CFAP46: variants seen among roughly 807,000 people sequenced by gnomAD.
The protein encoded by CFAP46 is cilia- and flagella-associated protein 46.
CFAP46 carries 245 observed loss-of-function variants against 325.7 expected under a neutral mutation model. The ratio of observed to expected loss-of-function variants is 0.75; its 90% confidence interval spans 0.68 to 0.84. The LOEUF (loss-of-function observed/expected upper bound fraction) is 0.84, where lower values mean the gene tolerates loss of function less well. Ranked by LOEUF, CFAP46 falls within the 40% of genes least tolerant of loss-of-function variation. The probability of loss-of-function intolerance (pLI) is 0.00; values close to 1 mark genes in which losing one functional copy is unlikely to be tolerated. For missense variants in CFAP46, 3,346 were observed against 3,543.0 expected, an observed-to-expected ratio of 0.94 and a Z score of 1.41; for synonymous variants, 1,523 against 1,495.9, an observed-to-expected ratio of 1.02 and a Z score of -0.42.
rs562244714 is a variant in CFAP46 at position 132,935,218 on chromosome 10, C to G, written c.756-356G>C. Among the ~76,000 whole-genome samples, 403 of 152,168 alleles carry G rather than the reference C, an allele frequency of 2.6e-3. 1 individual carries two copies. Among genetic ancestry groups the G allele is most frequent in the African/African-American group, 8.9e-3 (371 of 41,484 alleles). On this transcript the variant is annotated intron_variant, in intron 7 of 57. Coordinates refer to ENST00000368586, the MANE Select transcript of CFAP46 (RefSeq NM_001200049.3). ...ATTGCTCTCTCCCAGGGATGCTGCC[C>G]ATAGGACACAAATACCTCAGATCTC...
At chr10:132,924,598 A>G in intron 11 of CFAP46, 98 bp downstream of exon 11, 1 of 1,193,628 alleles carries the variant, frequency 8.4e-7, no homozygotes, top group Non-Finnish European at 1.1e-6. Flanking sequence ...TGCTTGTGGC[A>G]CTGTCATGGC....
intron 27 of CFAP46, among the ~76,000 whole-genome samples, chr10:132,881,665 G>A (rs1416242384): frequency 7.2e-5 from 5 of 69,014 alleles, no homozygotes; most frequent in East Asian, 3.4e-4. Context: ...CGCACCCTCC[G>A]CAGCCCTGCG....
At chr10:132,882,696 G>T (rs995613079) in intron 27 of CFAP46, among the ~76,000 whole-genome samples, 9 of 151,990 alleles carry the variant, frequency 5.9e-5, no homozygotes, top group African/African-American at 2.2e-4. Flanking sequence ...CCAAGGTCCT[G>T]CCCTTAGCCC....
chr10:132,908,566 C>G lies in CFAP46; in HGVS notation c.2826G>C (p.Leu942=). 6.5e-7 allele frequency: 1 copy of G among 1,550,386 alleles called. No homozygotes were observed. The highest frequency in any genetic ancestry group is 8.7e-7 in the Non-Finnish European group (1 of 1,146,892). The change falls in exon 22 of 58, where the codon CTG becomes CTC. Residue 942 remains leucine, a synonymous_variant. Transcript: ENST00000368586. ...PLVELQTLTR[L]THFAHAARDH... Reference sequence around the variant, plus strand: ...CACGCGCTGCATGGGCGAAGTGGGTCAGCCGCGTCAGGGTCTGCAGCTCCA... The same window carrying G: ...CACGCGCTGCATGGGCGAAGTGGGTGAGCCGCGTCAGGGTCTGCAGCTCCA...
chr10:132,835,669 C>A (rs1848229039), intron 46 of CFAP46, among the ~76,000 whole-genome samples: 1 of 152,130 alleles, frequency 6.6e-6, no homozygotes, highest in Non-Finnish European at 1.5e-5. Flanking sequence ...CCCGTCTACA[C>A]CTGTTTCCAG....
chr10:132,879,296 A>T, intron 29 of CFAP46, 130 bp downstream of exon 29: 1 of 901,496 alleles, frequency 1.1e-6, no homozygotes, highest in Non-Finnish European at 1.6e-6. Flanking sequence ...GAAATTGCTC[A>T]CATCTCAAAG....
At chr10:132,820,421 A>G (rs1847770763) in intron 50 of CFAP46, among the ~76,000 whole-genome samples, 1 of 152,222 alleles carries the variant, frequency 6.6e-6, no homozygotes, top group African/African-American at 2.4e-5. Flanking sequence ...GCTGACCCGC[A>G]GGGCAAAGGG....
At chr10:132,856,016 C>A (rs1848636776) in intron 39 of CFAP46, among the ~76,000 whole-genome samples, 1 of 152,228 alleles carries the variant, frequency 6.6e-6, no homozygotes, top group African/African-American at 2.4e-5. Flanking sequence ...CAGGGCTCAG[C>A]CACTGAGGAC....
intron 7 of CFAP46, among the ~76,000 whole-genome samples, chr10:132,935,860 G>C (rs12762782): frequency 5.5e-3 from 153 of 27,992 alleles, no homozygotes; most frequent in Admixed American, 0.012. Flanking sequence ...TCTCCTCACA[G>C]CCCTCAGCAC....
intron 4 of CFAP46, among the ~76,000 whole-genome samples, chr10:132,940,352 G>C (rs533315610): frequency 2.0e-5 from 3 of 152,040 alleles, no homozygotes; most frequent in Non-Finnish European, 4.4e-5. Flanking sequence ...GATTTGAATA[G>C]GATATGAATC....
intron 41 of CFAP46, among the ~76,000 whole-genome samples, chr10:132,849,875 T>G (rs929288367): frequency 6.6e-6 from 1 of 152,176 alleles, no homozygotes; most frequent in East Asian, 1.9e-4. Context: ...CCCAGGTCCC[T>G]GTGCGGGGCC....
chr10:132,925,246 C>G (rs1849792919), intron 10 of CFAP46, among the ~76,000 whole-genome samples: 1 of 152,246 alleles, frequency 6.6e-6, no homozygotes, highest in Admixed American at 6.5e-5. Context: ...TACACGGGCC[C>G]TTCCCAGGAC....
At position 132,884,684 on chromosome 10, in the gene CFAP46, C is replaced by G. The variant is rs1178403187; in HGVS notation, c.3627+419G>C. Among the ~76,000 whole-genome samples, 1 of 152,118 alleles carries G rather than the reference C, an allele frequency of 6.6e-6. No homozygotes were observed. Among genetic ancestry groups the G allele is most frequent in the Non-Finnish European group, 1.5e-5 (1 of 67,994 alleles). On this transcript the variant is annotated intron_variant, in intron 27 of 57. Coordinates refer to ENST00000368586, the MANE Select transcript of CFAP46 (RefSeq NM_001200049.3). The surrounding 1 kb of genome is among the most constrained non-coding windows in gnomAD (Gnocchi z 5.4). ...AAGAGACGCCAACATCCCCAGAACG[C>G]CCACATCCCAGGGCCCTGCAGAGCC...
At chr10:132,880,077 T>A (rs1234196089) in intron 28 of CFAP46, among the ~76,000 whole-genome samples, 3 of 151,818 alleles carry the variant, frequency 2.0e-5, no homozygotes, top group Non-Finnish European at 4.4e-5. Context: ...TCGAGTGCTC[T>A]AGGATGGCCC....
intron 35 of CFAP46, among the ~76,000 whole-genome samples, chr10:132,864,346 T>C (rs1229914444): frequency 9.3e-6 from 1 of 107,220 alleles, no homozygotes; most frequent in Non-Finnish European, 1.9e-5. Flanking sequence ...CTGTCCCCAG[T>C]GCCTGAGACC....
At chr10:132,896,435 T>C (rs1227365435) in intron 24 of CFAP46, among the ~76,000 whole-genome samples, 1 of 152,262 alleles carries the variant, frequency 6.6e-6, no homozygotes, top group African/African-American at 2.4e-5. Flanking sequence ...CCATCCAGTC[T>C]ATGGTATTTT....
chr10:132,808,589 G>T lies in CFAP46; in HGVS notation c.7980C>A (p.Ala2660=). 4.3e-6 allele frequency: 7 copies of T among 1,612,586 alleles called. No homozygotes were observed. The highest frequency in any genetic ancestry group is 5.9e-6 in the Non-Finnish European group (7 of 1,179,750). Residue 2660 remains alanine (A), a synonymous_variant, in exon 58 of 58, where the codon GCC becomes GCA. Transcript: ENST00000368586. This position sits in a 1 kb window ranked among gnomAD's most constrained non-coding sequence, Gnocchi z 6.8. ...GGCAGGCAGAGCTCGAGGTCCAGGC[G>T]GCTGCCTTGCGGGAAGTCGCTGGGG... ...DPPPATSRKA[A]AWTSSSACLC... is the part of the protein sequence containing the mutation.
intron 22 of CFAP46, among the ~76,000 whole-genome samples, chr10:132,907,335 GA>G (rs948664462): frequency 1.6e-4 from 25 of 152,312 alleles, no homozygotes; most frequent in African/African-American, 5.8e-4. Flanking sequence ...AAAAATTGGG[GA>G]AAGATTAGGG....
chr10:132,879,005 C>T (rs781590110), intron 29 of CFAP46, among the ~76,000 whole-genome samples: 18 of 152,268 alleles, frequency 1.2e-4, no homozygotes, highest in Non-Finnish European at 2.5e-4. Flanking sequence ...CGTCAGCGGG[C>T]GGTTCAGGAG....
Sources: gnomAD v4.1 joint callset for allele counts (sites outside exome capture counted in the v4.1 genomes callset) on GRCh38, gnomAD v4.1.1 for gene constraint, Gnocchi (gnomAD v3.1) non-coding constraint, MANE v1.5 for transcripts, NCBI Gene and HGNC (gene_info 2026-07-23, HGNC 2026-07-21) for gene names.